The following DIP2B variants were observed in gnomAD, a reference collection of about 807,000 sequenced individuals.
The protein encoded by DIP2B is DIP2 acetate--CoA ligase B (putative).
A neutral mutation model predicts 198.0 loss-of-function variants in DIP2B; 76 were observed. The observed-to-expected ratio is 0.38, with a 90% CI of 0.32 to 0.46. DIP2B has a LOEUF of 0.46. DIP2B is among the 20% of genes least tolerant of loss of function. The probability of loss-of-function intolerance (pLI) is 0.99; values close to 1 mark genes in which losing one functional copy is unlikely to be tolerated. For missense variants in DIP2B, 1,559 were observed against 1,978.4 expected (o/e 0.79, Z 4.02); for synonymous variants, 701 against 739.1 (o/e 0.95, Z 0.84).
At chr12:50,538,608 C>T (rs1355228228) in intron 1 of DIP2B, among the ~76,000 whole-genome samples, 2 of 151,298 alleles carry the variant, frequency 1.3e-5, no homozygotes, top group East Asian at 4.1e-4. Flanking sequence ...ATTTCTTGTA[C>T]TCTTTTCTTC....
At chr12:50,732,157 G>A (rs899065041) in intron 31 of DIP2B, among the ~76,000 whole-genome samples, 6 of 152,226 alleles carry the variant, frequency 3.9e-5, no homozygotes, top group Non-Finnish European at 8.8e-5. Context: ...AAGAACTAGA[G>A]AATGAGCAAA....
At chr12:50,564,636 C>A (rs1442824691) in intron 1 of DIP2B, among the ~76,000 whole-genome samples, 1 of 152,130 alleles carries the variant, frequency 6.6e-6, no homozygotes, top group Non-Finnish European at 1.5e-5. Flanking sequence ...CTGTTCATAT[C>A]CCTGGCCCAC....
intron 10 of DIP2B, 48 bp from the exon 11 acceptor site, chr12:50,685,785 G>T (rs1486295367): frequency 6.3e-7 from 1 of 1,589,428 alleles, no homozygotes. Flanking sequence ...GGGCATGAGT[G>T]TGCTCACATT....
At chr12:50,555,302 G>T (rs1274211730) in intron 1 of DIP2B, among the ~76,000 whole-genome samples, 1 of 152,056 alleles carries the variant, frequency 6.6e-6, no homozygotes, top group African/African-American at 2.4e-5. Context: ...AGAGGGAATT[G>T]GTTCTCCCCT....
rs1939513790 is a variant in DIP2B at position 50,706,420 on chromosome 12, A to G, written c.2407-118A>G. On this transcript the variant is annotated intron_variant, in intron 20 of 37. Coordinates refer to ENST00000301180, the MANE Select transcript of DIP2B (RefSeq NM_173602.3). ...ATGCTTTCTCTAGAATCCGTAAAAT[A>G]TGGCAGTTGTGTTTTTAATACTTTT... 4 of 1,214,498 alleles carry G rather than the reference A, an allele frequency of 3.3e-6. No individual in the cohort carries two copies. In the South Asian group the frequency reaches 6.2e-5, roughly 19 times the overall value. The allele number at this position is 1,214,498 out of a possible 1,614,324, so 75.2% of individuals were successfully genotyped here.
At chr12:50,536,574 GT>G (rs56861489) in intron 1 of DIP2B, among the ~76,000 whole-genome samples, 17 of 147,986 alleles carry the variant, frequency 1.1e-4, no homozygotes, top group East Asian at 6.0e-4. Flanking sequence ...ATTGTGTTTT[GT>G]TTTTTTTTTT....
chr12:50,696,415 T>C (rs1419143253), intron 16 of DIP2B, among the ~76,000 whole-genome samples: 2 of 152,254 alleles, frequency 1.3e-5, no homozygotes, highest in African/African-American at 4.8e-5. Context: ...TGTATAGTTA[T>C]ACCACATTGT....
rs574274127 is a variant in DIP2B at position 50,665,269 on chromosome 12, C to T, written c.427+4950C>T. Among the ~76,000 whole-genome samples, 14 of 152,172 alleles carry T rather than the reference C, an allele frequency of 9.2e-5. No individual in the cohort carries two copies. In the South Asian group the frequency reaches 1.9e-3, roughly 20 times the overall value. Reference sequence around the variant, plus strand: ...CAAAGAACTTTCACATACTAATGACCGCCCTGTGTCATTTGTTTCTCATAA... The same window carrying T: ...CAAAGAACTTTCACATACTAATGACTGCCCTGTGTCATTTGTTTCTCATAA... On this transcript the variant is annotated intron_variant, in intron 4 of 37. Coordinates refer to ENST00000301180, the MANE Select transcript of DIP2B (RefSeq NM_173602.3).
chr12:50,679,020 AG>A, intron 8 of DIP2B, 144 bp downstream of exon 8: 1 of 948,504 alleles, frequency 1.1e-6, no homozygotes, highest in Non-Finnish European at 1.5e-6. Context: ...CTAAGCTCTA[AG>A]TAAAGCTATT....
In DIP2B at chr12:50,746,167, T is replaced by TC. The variant is rs1940338855; in HGVS notation, c.*1330dup. The stretch of plus-strand genomic sequence containing the variant: ...ACTGAGTTTGGCCTCTGGCTCGGTT[T>TC]CCTTTCTTTGGTCTGATACTTCATG... On this transcript the variant is annotated 3_prime_UTR_variant, in exon 38 of 38. Coordinates refer to ENST00000301180, the MANE Select transcript of DIP2B (RefSeq NM_173602.3). 6.6e-6 allele frequency: 1 copy of TC among 152,216 alleles called. No individual in the cohort carries two copies. The highest frequency in any genetic ancestry group is 1.5e-5 in the Non-Finnish European group (1 of 68,046). 9.4% of individuals were successfully genotyped at this position (152,216 alleles called of 1,614,324 possible).
intron 34 of DIP2B, among the ~76,000 whole-genome samples, chr12:50,735,836 G>A (rs1233972883): frequency 1.3e-5 from 2 of 152,208 alleles, no homozygotes. Context: ...TAAGGTCAGG[G>A]AAGACACACA....
intron 1 of DIP2B, among the ~76,000 whole-genome samples, chr12:50,593,560 A>G (rs1471150218): frequency 6.6e-6 from 1 of 151,570 alleles, no homozygotes. Context: ...GTCCCAACCT[A>G]AAAATTATTC....
chr12:50,681,707 G>T (rs1363856199), intron 9 of DIP2B, among the ~76,000 whole-genome samples: 1 of 151,972 alleles, frequency 6.6e-6, no homozygotes, highest in African/African-American at 2.4e-5. Flanking sequence ...TATTTTGATT[G>T]GGCTTATGAT....
chr12:50,633,528 C>G (rs757765561), intron 2 of DIP2B, among the ~76,000 whole-genome samples: 4 of 152,110 alleles, frequency 2.6e-5, no homozygotes, highest in Non-Finnish European at 5.9e-5. Context: ...CCTGTAATCC[C>G]AGCACTTTGG....
chr12:50,724,211 A>G (rs10783384), intron 27 of DIP2B, among the ~76,000 whole-genome samples: 41,655 of 152,146 alleles, frequency 0.27, 6,112 homozygotes, highest in East Asian at 0.41. Flanking sequence ...CCAGAAAAGC[A>G]GGGAGGGGAG....
At chr12:50,544,499 G>A (rs1958358187) in intron 1 of DIP2B, among the ~76,000 whole-genome samples, 1 of 152,104 alleles carries the variant, frequency 6.6e-6, no homozygotes, top group African/African-American at 2.4e-5. Flanking sequence ...GTACAGACGG[G>A]GTTTCACCAT....
chr12:50,716,949 G>A (rs1465860), intron 23 of DIP2B, among the ~76,000 whole-genome samples: 1 of 133,652 alleles, frequency 7.5e-6, no homozygotes, highest in African/African-American at 2.8e-5. Context: ...CTAGATTTAC[G>A]AATTGTTGCT....
intron 1 of DIP2B, among the ~76,000 whole-genome samples, chr12:50,516,241 C>CTCTCTCTCTCTCTCTCTCTA (rs1555180929): frequency 7.1e-6 from 1 of 140,998 alleles, no homozygotes; most frequent in East Asian, 2.1e-4. Flanking sequence ...CTCTCTCTCT[C>CTCTCTCTCTCTCTCTCTCTA]TCTCTATCTC....
At chr12:50,632,848 C>A (rs1370254663) in intron 2 of DIP2B, among the ~76,000 whole-genome samples, 1 of 151,970 alleles carries the variant, frequency 6.6e-6, no homozygotes, top group Non-Finnish European at 1.5e-5. Flanking sequence ...TCACTGGTAT[C>A]TTTTTAAATA....
Sources: allele counts gnomAD v4.1 joint callset (sites outside exome capture counted in the v4.1 genomes callset), GRCh38; gene constraint gnomAD v4.1.1; transcripts MANE v1.5; gene names NCBI Gene and HGNC (gene_info 2026-07-23, HGNC 2026-07-21).